Variants in CTNND2 observed in about 807,000 individuals in gnomAD.
CTNND2 encodes the protein catenin delta 2, also known as catenin delta-2.
In CTNND2, 22 loss-of-function variants were observed where a neutral mutation model predicts 144.4. The observed-to-expected ratio is 0.15, with a 90% CI of 0.11 to 0.22. CTNND2 has a LOEUF of 0.22. Ranked by LOEUF, CTNND2 falls within the 10% of genes least tolerant of loss-of-function variation. The pLI is 1.00. For synonymous variants in CTNND2, 751 were observed against 695.6 expected, an observed-to-expected ratio of 1.08 and a Z score of -1.25; for missense variants, 1,353 against 1,618.8, an observed-to-expected ratio of 0.84 and a Z score of 2.82.
chr5:11,161,636 A>G lies in CTNND2; in HGVS notation c.1976-1877T>C, dbSNP rs184635741. 2.0e-3 allele frequency among the ~76,000 whole-genome samples: 301 copies of G among 152,312 alleles called. 1 individual carries two copies. The highest frequency in any genetic ancestry group is 3.9e-3 in the Admixed American group (60 of 15,292). ...CAGTTTTAAATAGTATATTAAAAAG[A>G]AATTAGTATCTACCCCAGTATTTGA... is the stretch of plus-strand genomic sequence containing the variant. On this transcript the variant is annotated intron_variant, in intron 11 of 21. Coordinates refer to ENST00000304623, the MANE Select transcript of CTNND2 (RefSeq NM_001332.4).
At chr5:11,180,873 G>A (rs1560980070) in intron 11 of CTNND2, among the ~76,000 whole-genome samples, 1 of 152,360 alleles carries the variant, frequency 6.6e-6, no homozygotes, top group South Asian at 2.1e-4. Flanking sequence ...TCCCATCTGA[G>A]TTGATGTCTC....
At chr5:11,870,058 A>G (rs1029094082) in intron 1 of CTNND2, among the ~76,000 whole-genome samples, 1 of 152,206 alleles carries the variant, frequency 6.6e-6, no homozygotes, top group Non-Finnish European at 1.5e-5. Context: ...AAAAATGGTC[A>G]TATTGCATCC....
intron 2 of CTNND2, among the ~76,000 whole-genome samples, chr5:11,645,854 ATATT>A (rs1561653486): frequency 1.3e-5 from 2 of 152,164 alleles, no homozygotes; most frequent in African/African-American, 4.8e-5. Context: ...ATCTATATTA[ATATT>A]TATTTTATGA....
chr5:11,489,481 C>T (rs1335675478), intron 3 of CTNND2, among the ~76,000 whole-genome samples: 1 of 152,200 alleles, frequency 6.6e-6, no homozygotes, highest in Non-Finnish European at 1.5e-5. Flanking sequence ...GCTGTCAACT[C>T]ATTTTCCTTT....
intron 1 of CTNND2, among the ~76,000 whole-genome samples, chr5:11,869,014 A>C (rs989381269): frequency 2.0e-5 from 3 of 152,224 alleles, no homozygotes; most frequent in Non-Finnish European, 2.9e-5. Context: ...CAACATCAAC[A>C]GTCATTAGGG....
intron 2 of CTNND2, among the ~76,000 whole-genome samples, chr5:11,687,417 G>C (rs1016307981): frequency 3.3e-5 from 5 of 152,166 alleles, no homozygotes; most frequent in Admixed American, 2.6e-4. Context: ...CTAGATTCTA[G>C]GGTATGGATT....
intron 3 of CTNND2, among the ~76,000 whole-genome samples, chr5:11,501,381 G>A (rs1469593022): frequency 6.6e-6 from 1 of 151,968 alleles, no homozygotes; most frequent in Non-Finnish European, 1.5e-5. Context: ...CCAGAACTGT[G>A]TACTCCTGGC....
intron 2 of CTNND2, among the ~76,000 whole-genome samples, chr5:11,602,966 C>T (rs1356556949): frequency 6.6e-6 from 1 of 151,476 alleles, no homozygotes; most frequent in South Asian, 2.1e-4. Context: ...CAACATAATA[C>T]GTAATAATGA....
intron 2 of CTNND2, among the ~76,000 whole-genome samples, chr5:11,623,477 G>A (rs908727649): frequency 5.3e-5 from 8 of 151,788 alleles, no homozygotes; most frequent in Admixed American, 1.3e-4. Flanking sequence ...TCATGATTGT[G>A]AGACTCCCCA....
At chr5:11,337,186 C>T (rs907204055) in intron 9 of CTNND2, among the ~76,000 whole-genome samples, 6 of 152,150 alleles carry the variant, frequency 3.9e-5, no homozygotes, top group Admixed American at 1.3e-4. Context: ...GGGAAGCACA[C>T]GGATTTTAAA....
chr5:11,136,652 G>C (rs1245985238), intron 12 of CTNND2, among the ~76,000 whole-genome samples: 2 of 152,188 alleles, frequency 1.3e-5, no homozygotes, highest in Non-Finnish European at 2.9e-5. Flanking sequence ...TAACTTCAAA[G>C]CATTTCCAGA....
chr5:11,450,533 G>C (rs939613014), intron 3 of CTNND2, among the ~76,000 whole-genome samples: 1 of 152,180 alleles, frequency 6.6e-6, no homozygotes, highest in Non-Finnish European at 1.5e-5. Context: ...TGCACAGCAC[G>C]CTTCTTTGCA....
intron 2 of CTNND2, among the ~76,000 whole-genome samples, chr5:11,641,070 T>C (rs1328054369): frequency 6.6e-6 from 1 of 152,064 alleles, no homozygotes; most frequent in Non-Finnish European, 1.5e-5. Context: ...GTCAGGAAGG[T>C]TTCTACAAAG....
intron 1 of CTNND2, among the ~76,000 whole-genome samples, chr5:11,800,144 A>T (rs946482940): frequency 1.3e-5 from 2 of 152,328 alleles, no homozygotes; most frequent in Admixed American, 1.3e-4. Flanking sequence ...TATATTAAAA[A>T]GTCTGAAACA....
chr5:11,863,348 A>G (rs1795591380), intron 1 of CTNND2, among the ~76,000 whole-genome samples: 1 of 152,158 alleles, frequency 6.6e-6, no homozygotes, highest in Non-Finnish European at 1.5e-5. Flanking sequence ...ATTTTGCTCA[A>G]TGGGAATAAA....
intron 2 of CTNND2, among the ~76,000 whole-genome samples, chr5:11,712,055 T>C (rs1044787856): frequency 6.6e-6 from 1 of 152,202 alleles, no homozygotes; most frequent in Admixed American, 6.5e-5. Context: ...ATCTTTGCTT[T>C]CCCTATTTCT....
intron 11 of CTNND2, among the ~76,000 whole-genome samples, chr5:11,181,774 GTC>G (rs1277468635): frequency 2.2e-4 from 31 of 139,742 alleles, no homozygotes; most frequent in East Asian, 4.2e-4. Context: ...GTGTGTGTGT[GTC>G]TGTGTGTGTG....
At chr5:11,346,756 T>G in intron 8 of CTNND2, 129 bp from the exon 9 acceptor site, 1 of 862,982 alleles carries the variant, frequency 1.2e-6, no homozygotes, top group Non-Finnish European at 1.6e-6. Context: ...ATAAAAAAAA[T>G]TAATCCATCA....
intron 3 of CTNND2, among the ~76,000 whole-genome samples, chr5:11,506,085 C>T (rs909419387): frequency 2.6e-5 from 4 of 152,090 alleles, no homozygotes; most frequent in African/African-American, 2.4e-5. Context: ...TGCACTTGGC[C>T]ACTGACGGAG....
Sources: gnomAD v4.1 joint callset for allele counts (sites outside exome capture counted in the v4.1 genomes callset) on GRCh38, gnomAD v4.1.1 for gene constraint, MANE v1.5 for transcripts, NCBI Gene and HGNC (gene_info 2026-07-23, HGNC 2026-07-21) for gene names.